Variants in TMPRSS11F observed in about 807,000 individuals in gnomAD.
The protein encoded by TMPRSS11F is transmembrane protease serine 11F.
TMPRSS11F carries 47 observed loss-of-function variants against 60.2 expected under a neutral mutation model. That is an observed-to-expected ratio of 0.78 (90% CI 0.62 to 1.00). TMPRSS11F has a LOEUF of 1.00. Among genes scored for constraint, TMPRSS11F ranks in the 50% least tolerant of loss-of-function variants. The pLI is 0.00. For missense variants in TMPRSS11F, 519 were observed against 522.9 expected (o/e 0.99, Z 0.07); for synonymous variants, 166 against 167.3 (o/e 0.99, Z 0.06).
At chr4:68,105,676 A>C (rs1724290538) in intron 1 of TMPRSS11F, among the ~76,000 whole-genome samples, 1 of 152,154 alleles carries the variant, frequency 6.6e-6, no homozygotes, top group South Asian at 2.1e-4. Flanking sequence ...AGATGACCTG[A>C]CAGTTTATAG....
chr4:68,061,717 T>G, intron 8 of TMPRSS11F: 1 of 391,438 alleles, frequency 2.6e-6, no homozygotes, highest in Non-Finnish European at 5.0e-6. Context: ...GAAAGAAATT[T>G]TAAAGTAAAG....
At chr4:68,073,529 G>A (rs1291839035) in intron 4 of TMPRSS11F, among the ~76,000 whole-genome samples, 2 of 152,098 alleles carry the variant, frequency 1.3e-5, no homozygotes, top group Admixed American at 1.3e-4. Context: ...GACATGAAAA[G>A]CCATTTTAAA....
intron 2 of TMPRSS11F, among the ~76,000 whole-genome samples, chr4:68,098,451 TA>T: frequency 6.6e-6 from 1 of 152,298 alleles, no homozygotes; most frequent in Non-Finnish European, 1.5e-5. Context: ...CCCACAGTCA[TA>T]AAAAAATCTG....
Position 68,090,647 on chromosome 4 carries a change from A to C in TMPRSS11F, c.164-6T>G. On this transcript the variant is annotated splice_polypyrimidine_tract_variant and splice_region_variant and intron_variant, in intron 2 of 9. Coordinates refer to ENST00000356291, the MANE Select transcript of TMPRSS11F (RefSeq NM_207407.2). ...GTAATAGAAAGACTTATCATCTGAA[A>C]GGTAAAACAAACAAAAGTCTCATGG... 6.3e-7 allele frequency: 1 copy of C among 1,588,744 alleles called. No individual in the cohort carries two copies. The highest frequency in any genetic ancestry group is 8.6e-7 in the Non-Finnish European group (1 of 1,166,802).
intron 8 of TMPRSS11F, chr4:68,063,041 A>G (rs375018919): frequency 1.1e-5 from 7 of 664,658 alleles, no homozygotes; most frequent in East Asian, 6.7e-5. Flanking sequence ...GGAGTCACAG[A>G]CACATTTTAT....
At position 68,115,071 on chromosome 4, in the gene TMPRSS11F, C is replaced by A. The variant is rs959384909; in HGVS notation, c.11+14739G>T. ...AGGGATAGAAGAAAAGTTTCCCGGC[C>A]GGGCGCAGTGGCTCACGCCTGTAAT... On this transcript the variant is annotated intron_variant, in intron 1 of 9. Coordinates refer to ENST00000356291, the MANE Select transcript of TMPRSS11F (RefSeq NM_207407.2). Among the ~76,000 whole-genome samples, 3 of 150,356 alleles carry A rather than the reference C, an allele frequency of 2.0e-5. No homozygotes were observed. In the South Asian group the frequency reaches 6.3e-4, roughly 31 times the overall value.
Position 68,109,066 on chromosome 4 carries a change from G to C in TMPRSS11F, c.12-10028C>G, listed in dbSNP as rs892507938. 2.0e-5 allele frequency among the ~76,000 whole-genome samples: 3 copies of C among 152,106 alleles called. No homozygotes were observed. In the South Asian group the frequency reaches 6.2e-4, roughly 32 times the overall value. ...CTCACCTTTGCTTAGTCTGATGATG[G>C]TTTTTAGGCATGCATTCCCAAAGTT... is the stretch of plus-strand genomic sequence containing the variant. On this transcript the variant is annotated intron_variant, in intron 1 of 9. Coordinates refer to ENST00000356291, the MANE Select transcript of TMPRSS11F (RefSeq NM_207407.2).
At chr4:68,063,782 A>G (rs995788155) in intron 8 of TMPRSS11F, among the ~76,000 whole-genome samples, 8 of 152,162 alleles carry the variant, frequency 5.3e-5, no homozygotes, top group Admixed American at 3.3e-4. Context: ...CACCCCTAGC[A>G]GGTTGGACAC....
At chr4:68,054,213 T>A (rs1722996602) in intron 9 of TMPRSS11F, 146 bp from the exon 10 acceptor site, 2 of 642,662 alleles carry the variant, frequency 3.1e-6, no homozygotes, top group Non-Finnish European at 5.1e-6. Context: ...TCAACTGAAT[T>A]AAAATTTTTG....
At chr4:68,062,771 GGCC>G (rs1560392476) in intron 8 of TMPRSS11F, 1 of 743,882 alleles carries the variant, frequency 1.3e-6, no homozygotes, top group Admixed American at 1.7e-5. Flanking sequence ...TACTGGATTT[GGCC>G]GCCCTCTGCG....
chr4:68,102,948 G>A (rs112652428), intron 1 of TMPRSS11F, among the ~76,000 whole-genome samples: 452 of 148,534 alleles, frequency 3.0e-3, no homozygotes, highest in Middle Eastern at 0.021. Context: ...TGTAGTTTCT[G>A]GTCTTCTATT....
At chr4:68,062,072 T>C (rs1723191423) in intron 8 of TMPRSS11F, 2 of 451,926 alleles carry the variant, frequency 4.4e-6, no homozygotes, top group African/African-American at 2.0e-5. Context: ...TAGATATGAC[T>C]TACGATAGGG....
intron 3 of TMPRSS11F, among the ~76,000 whole-genome samples, chr4:68,081,532 A>T (rs1330133515): frequency 2.6e-5 from 4 of 152,218 alleles, no homozygotes; most frequent in South Asian, 4.1e-4. Flanking sequence ...TGTTAGAAAG[A>T]TTGCTTGTCC....
intron 3 of TMPRSS11F, among the ~76,000 whole-genome samples, chr4:68,074,219 A>C (rs2109848107): frequency 6.6e-6 from 1 of 152,332 alleles, no homozygotes; most frequent in South Asian, 2.1e-4. Context: ...CCTGGGGTCT[A>C]ATCTTTGTGG....
At chr4:68,083,388 G>T (rs1723745898) in intron 3 of TMPRSS11F, among the ~76,000 whole-genome samples, 1 of 152,152 alleles carries the variant, frequency 6.6e-6, no homozygotes, top group South Asian at 2.1e-4. Flanking sequence ...CACAACCACA[G>T]AGCACTGTTG....
chr4:68,082,276 T>G (rs368248117), intron 3 of TMPRSS11F, among the ~76,000 whole-genome samples: 1 of 152,124 alleles, frequency 6.6e-6, no homozygotes, highest in South Asian at 2.1e-4. Flanking sequence ...CCATAGATAC[T>G]TGAATTGGCA....
At chr4:68,093,068 A>G (rs913740476) in intron 2 of TMPRSS11F, among the ~76,000 whole-genome samples, 29 of 152,192 alleles carry the variant, frequency 1.9e-4, no homozygotes, top group African/African-American at 7.0e-4. Context: ...TGCTCAGCTC[A>G]TTTCACCAGT....
chr4:68,103,455 A>G (rs947109075), intron 1 of TMPRSS11F, among the ~76,000 whole-genome samples: 4 of 152,058 alleles, frequency 2.6e-5, no homozygotes, highest in African/African-American at 9.7e-5. Flanking sequence ...CAAAAAAAAA[A>G]AAAAAAATTA....
Position 68,090,629 on chromosome 4 carries a change from A to G in TMPRSS11F, c.176T>C (p.Phe59Ser), listed in dbSNP as rs571521126. Residue 59 changes from phenylalanine to serine, a missense_variant, in exon 3 of 10, where the codon TTC (phenylalanine) becomes TCC (serine). Coordinates refer to ENST00000356291, the MANE Select transcript of TMPRSS11F (RefSeq NM_207407.2). ...THFVVEDDKS[F>S]YYLASFKVTN... ...GACTTTAAAAGAGGCAAGGTAATAGAAAGACTTATCATCTGAAAGGTAAAA... is the reference window on the plus strand; with the variant it reads ...GACTTTAAAAGAGGCAAGGTAATAGGAAGACTTATCATCTGAAAGGTAAAA... 51 of 1,595,730 alleles carry G rather than the reference A, an allele frequency of 3.2e-5. No homozygotes were observed. The South Asian group carries it at 5.4e-4, about 17-fold the overall frequency.
Sources: gnomAD v4.1 joint callset for allele counts (sites outside exome capture counted in the v4.1 genomes callset) on GRCh38, gnomAD v4.1.1 for gene constraint, MANE v1.5 for transcripts, NCBI Gene and HGNC (gene_info 2026-07-23, HGNC 2026-07-21) for gene names.